FREM1: variants seen among roughly 807,000 people sequenced by gnomAD.
FREM1 encodes the protein FRAS1-related extracellular matrix protein 1.
In FREM1, 220 loss-of-function variants were observed where a neutral mutation model predicts 210.1. That is an observed-to-expected ratio of 1.05 (90% CI 0.94 to 1.17). The LOEUF (loss-of-function observed/expected upper bound fraction) is 1.17, where lower values mean the gene tolerates loss of function less well. FREM1 is among the 50% of genes most tolerant of loss of function. The probability of loss-of-function intolerance (pLI) is 0.00; values close to 1 mark genes in which losing one functional copy is unlikely to be tolerated. For missense variants in FREM1, 3,454 were observed against 2,675.5 expected, an observed-to-expected ratio of 1.29 and a Z score of -6.42; for synonymous variants, 1,189 against 980.2, an observed-to-expected ratio of 1.21 and a Z score of -3.98.
intron 27 of FREM1, among the ~76,000 whole-genome samples, chr9:14,769,000 CT>C (rs1283574255): frequency 6.6e-6 from 1 of 152,134 alleles, no homozygotes; most frequent in Non-Finnish European, 1.5e-5. Context: ...ACCAGAATAA[CT>C]GGACTCTGAC....
intron 27 of FREM1, among the ~76,000 whole-genome samples, chr9:14,767,740 G>A (rs182196561): frequency 1.2e-4 from 18 of 152,114 alleles, no homozygotes; most frequent in South Asian, 8.3e-4. Flanking sequence ...CAACTATACC[G>A]TTCAAAAATG....
intron 22 of FREM1, among the ~76,000 whole-genome samples, chr9:14,791,409 AT>A (rs1165484889): frequency 6.6e-6 from 1 of 152,202 alleles, no homozygotes; most frequent in African/African-American, 2.4e-5. Context: ...AACATATACA[AT>A]TCCAGGAATG....
chr9:14,783,372 C>G (rs1849924840), intron 24 of FREM1, among the ~76,000 whole-genome samples: 1 of 152,106 alleles, frequency 6.6e-6, no homozygotes, highest in Non-Finnish European at 1.5e-5. Context: ...TAGGAGTATG[C>G]TCCATTTATG....
At chr9:14,754,962 T>A (rs1397846682) in intron 29 of FREM1, among the ~76,000 whole-genome samples, 3 of 152,048 alleles carry the variant, frequency 2.0e-5, no homozygotes, top group Non-Finnish European at 4.4e-5. Flanking sequence ...AGGGACTTTA[T>A]AACACAGACA....
chr9:14,838,415 C>A (rs114757973), intron 10 of FREM1, among the ~76,000 whole-genome samples: 1,546 of 152,076 alleles, frequency 0.01, 27 homozygotes, highest in African/African-American at 0.033. Context: ...TCAAACAGAC[C>A]AGGTAATCAT....
intron 19 of FREM1, among the ~76,000 whole-genome samples, chr9:14,804,076 T>C (rs1403745846): frequency 2.0e-5 from 3 of 152,206 alleles, no homozygotes; most frequent in Non-Finnish European, 4.4e-5. Flanking sequence ...AGGTTTGGAA[T>C]GGATTATAAT....
At chr9:14,813,152 A>G (rs1448377045) in intron 15 of FREM1, 88 bp from the exon 16 acceptor site, 1 of 1,357,778 alleles carries the variant, frequency 7.4e-7, no homozygotes, top group Non-Finnish European at 1.0e-6. Flanking sequence ...AGTCAGAATG[A>G]CAGGCATTTT....
At chr9:14,798,118 GAAC>G (rs1203356604) in intron 20 of FREM1, among the ~76,000 whole-genome samples, 1 of 151,808 alleles carries the variant, frequency 6.6e-6, no homozygotes, top group Non-Finnish European at 1.5e-5. Flanking sequence ...CCTAGAAAAA[GAAC>G]AAAATTGGAA....
chr9:14,863,671 C>T (rs1830984237), intron 3 of FREM1, 138 bp downstream of exon 3: 1 of 597,318 alleles, frequency 1.7e-6, no homozygotes, highest in South Asian at 2.2e-5. Context: ...CCACTCAGGC[C>T]TCCAGTTTCT....
In FREM1 at chr9:14,756,574, T is replaced by A. The variant is rs1192564096; in HGVS notation, c.5335-128A>T. On this transcript the variant is annotated intron_variant, in intron 28 of 36. Coordinates refer to ENST00000380880, the MANE Select transcript of FREM1 (RefSeq NM_001379081.2). ...TGTTTTTAATATTAGGTAGGGTTTT[T>A]AAAAAAATTATATAAGCCATTTGGG... 7.5e-5 allele frequency: 46 copies of A among 616,856 alleles called. 1 individual carries two copies. Among genetic ancestry groups the A allele is most frequent in the South Asian group, 4.0e-4 (14 of 35,028 alleles). The allele number at this position is 616,856 out of a possible 1,614,324, so 38.2% of individuals were successfully genotyped here.
At chr9:14,880,481 G>A (rs912565351) in intron 1 of FREM1, among the ~76,000 whole-genome samples, 1 of 151,652 alleles carries the variant, frequency 6.6e-6, no homozygotes, top group Admixed American at 6.6e-5. Flanking sequence ...GCATGCATCT[G>A]TAATCCCAGC....
Position 14,737,167 on chromosome 9 carries a change from G to A in FREM1, c.*229C>T, listed in dbSNP as rs146835961. The stretch of plus-strand genomic sequence containing the variant: ...AACCTTACACTTTATAATACTGCTG[G>A]CATTTATTTTAAAAGGTATTGAGAT... On this transcript the variant is annotated 3_prime_UTR_variant, in exon 37 of 37. Transcript: ENST00000380880. The A allele has an allele frequency of 2.9e-4, 125 of 434,004 alleles. No homozygotes were observed. The East Asian group carries it at 4.7e-3, about 16-fold the overall frequency. 26.9% of individuals were successfully genotyped at this position (434,004 alleles called of 1,614,324 possible).
At chr9:14,888,122 C>T (rs1374633488) in intron 1 of FREM1, among the ~76,000 whole-genome samples, 1 of 152,138 alleles carries the variant, frequency 6.6e-6, no homozygotes, top group African/African-American at 2.4e-5. Context: ...TACGTGTTTA[C>T]TATATAGTAG....
rs188153650 is a variant in FREM1, at chr9:14,747,730, T to C, written c.5797-2A>G. 2.6e-6 allele frequency: 4 copies of C among 1,534,902 alleles called. No individual in the cohort carries two copies. The highest frequency in any genetic ancestry group is 3.5e-6 in the Non-Finnish European group (4 of 1,134,750). ...TCTATAAACAGAGGATGGACGAACC[T>C]GAAATTGACAGAGAACAAAATATGA... On this transcript the variant is annotated splice_acceptor_variant, in intron 31 of 36. Transcript: ENST00000380880. LOFTEE classifies it high-confidence loss of function.
chr9:14,797,630 G>A lies in FREM1; in HGVS notation c.3707C>T (p.Thr1236Met), dbSNP rs764143108. Residue 1236 changes from threonine to methionine, a missense_variant, in exon 21 of 37, where the codon ACG becomes ATG. By Grantham distance (81) the Thr-to-Met change is moderately conservative. Coordinates refer to ENST00000380880, the MANE Select transcript of FREM1 (RefSeq NM_001379081.2). ...GCTCTCTGAGTCATCATGCATGTAC[G>A]TCAACCTCATTCCTGGAAGAAGGAA... Reference protein sequence around the residue: ...MELLKTGMRLTYMHDDSESLA... With the variant: ...MELLKTGMRLMYMHDDSESLA... 48 of 1,610,372 alleles carry A rather than the reference G, an allele frequency of 3.0e-5. No homozygotes were observed. Among genetic ancestry groups the A allele is most frequent in the South Asian group, 2.2e-4 (20 of 90,512 alleles).
At chr9:14,823,908 A>G in intron 12 of FREM1, 117 bp downstream of exon 12, 1 of 504,976 alleles carries the variant, frequency 2.0e-6, no homozygotes, top group Non-Finnish European at 3.5e-6. Flanking sequence ...AAGTATAAAG[A>G]TGTCAAGTCT....
At chr9:14,742,933 T>C (rs1286246588) in intron 35 of FREM1, among the ~76,000 whole-genome samples, 6 of 152,122 alleles carry the variant, frequency 3.9e-5, no homozygotes, top group African/African-American at 1.2e-4. Flanking sequence ...TCTATCTCTT[T>C]CATTTACTTC....
chr9:14,860,788 TACATATATAC>T (rs1322969912), intron 3 of FREM1, among the ~76,000 whole-genome samples: 2 of 94,780 alleles, frequency 2.1e-5, no homozygotes, highest in African/African-American at 5.2e-5. Flanking sequence ...TATACATATA[TACATATATAC>T]ACATATATAC....
At chr9:14,820,396 G>A (rs1199759467) in intron 13 of FREM1, among the ~76,000 whole-genome samples, 2 of 152,204 alleles carry the variant, frequency 1.3e-5, no homozygotes, top group Non-Finnish European at 2.9e-5. Context: ...CTGTCCATGG[G>A]AGGATGCAGC....
Sources: gnomAD v4.1 joint callset for allele counts (sites outside exome capture counted in the v4.1 genomes callset) on GRCh38, gnomAD v4.1.1 for gene constraint, MANE v1.5 for transcripts, NCBI Gene and HGNC (gene_info 2026-07-23, HGNC 2026-07-21) for gene names.